The following TFF1 variants were observed in gnomAD, a reference collection of about 807,000 sequenced individuals.
TFF1 encodes trefoil factor 1.
TFF1 carries 8 observed loss-of-function variants against 7.7 expected under a neutral mutation model. The ratio of observed to expected loss-of-function variants is 1.04; its 90% CI spans 0.61 to 1.87. TFF1 has a LOEUF of 1.87. TFF1 is among the 40% of genes most tolerant of loss of function. The pLI is 0.00. For missense variants in TFF1, 120 were observed against 113.4 expected, an observed-to-expected ratio of 1.06 and a Z score of -0.26; for synonymous variants, 47 against 44.8, an observed-to-expected ratio of 1.05 and a Z score of -0.19.
Position 42,366,412 on chromosome 21 carries a change from T to A in TFF1, c.84A>T (p.Thr28=). 6.2e-7 allele frequency: 1 copy of A among 1,609,060 alleles called. No homozygotes were observed. The highest frequency in any genetic ancestry group is 8.5e-7 in the Non-Finnish European group (1 of 1,176,390). Residue 28 remains threonine (T), a splice_region_variant and synonymous_variant, in exon 1 of 3, where the codon ACA becomes ACT. Transcript: ENST00000291527. ...LALGTLAEAQ[T]ETCTVAPRER... ...AGAGCAGGAAGAAGCACGCCTTACC[T>A]GTCTGGGCCTCGGCCAGGGTGCCGA...
Position 42,363,352 on chromosome 21 carries a change from C to T in TFF1, c.141G>A (p.Thr47=), listed in dbSNP as rs368550661. Residue 47 remains threonine, a synonymous_variant, in exon 2 of 3, where the codon ACG becomes ACA. Coordinates refer to ENST00000291527, the MANE Select transcript of TFF1 (RefSeq NM_003225.3). ...ERQNCGFPGV[T]PSQCANKGCC... ...AGCCCTTATTTGCACACTGGGAGGG[C>T]GTGACACCAGGAAAACCACAATTCT... The T allele has an allele frequency of 5.5e-5, 88 of 1,614,034 alleles. No individual in the cohort carries two copies. The highest frequency in any genetic ancestry group is 2.1e-4 in the South Asian group (19 of 91,078).
intron 2 of TFF1, among the ~76,000 whole-genome samples, 198 bp downstream of exon 2, chr21:42,363,057 T>A (rs1260609629): frequency 1.3e-5 from 2 of 152,070 alleles, no homozygotes; most frequent in Non-Finnish European, 1.5e-5. Flanking sequence ...TCAGGTTTCT[T>A]CCCAAGTCCC....
intron 1 of TFF1, among the ~76,000 whole-genome samples, chr21:42,364,472 G>A (rs2052263376): frequency 1.3e-5 from 2 of 152,342 alleles, no homozygotes; most frequent in South Asian, 4.1e-4. Flanking sequence ...AGAGGAGGAA[G>A]ACACGTGGAC....
chr21:42,365,574 C>T (rs1414392009), intron 1 of TFF1, among the ~76,000 whole-genome samples: 1 of 152,128 alleles, frequency 6.6e-6, no homozygotes, highest in South Asian at 2.1e-4. Flanking sequence ...GAAACCCTTG[C>T]TTTGGAAACG....
chr21:42,364,776 C>CCT (rs1428160032), intron 1 of TFF1, among the ~76,000 whole-genome samples: 1 of 152,226 alleles, frequency 6.6e-6, no homozygotes, highest in African/African-American at 2.4e-5. Context: ...TCAGGGACTG[C>CCT]CTCGAGATGT....
At position 42,362,480 on chromosome 21, in the gene TFF1, T is replaced by C; in HGVS notation, c.254A>G (p.Ter85TrpextTer20). The C allele has an allele frequency of 6.3e-7, 1 of 1,585,892 alleles. No individual in the cohort carries two copies. The highest frequency in any genetic ancestry group is 8.6e-7 in the Non-Finnish European group (1 of 1,166,284). The change falls in exon 3 of 3, where the codon TAG (stop) becomes TGG (tryptophan). Residue 85 changes from the stop codon to tryptophan, a stop_lost. Coordinates refer to ENST00000291527, the MANE Select transcript of TFF1 (RefSeq NM_003225.3). The stretch of plus-strand genomic sequence containing the variant: ...GCAGGCAGATCCCTGCAGAAGTGTC[T>C]AAAATTCACACTCCTCTACAGGGGT... The part of the protein sequence containing the change: ...DVPPEEECEF[*>W]
In TFF1 at chr21:42,363,310, G is replaced by A. The variant is rs758632010; in HGVS notation, c.183C>T (p.Thr61=). The change falls in exon 2 of 3, where the codon ACC becomes ACT. Residue 61 remains threonine, a synonymous_variant. Transcript: ENST00000291527. ...AGAAGCACCAGGGGACCCCACGAAC[G>A]GTGTCGTCGAAACAGCAGCCCTTAT... ...CANKGCCFDD[T]VRGVPWCFYP... 2.2e-5 allele frequency: 36 copies of A among 1,614,074 alleles called. No individual in the cohort carries two copies. The highest frequency in any genetic ancestry group is 3.0e-5 in the Non-Finnish European group (35 of 1,180,056).
intron 1 of TFF1, among the ~76,000 whole-genome samples, chr21:42,364,780 G>C (rs533704401): frequency 4.6e-5 from 7 of 152,208 alleles, no homozygotes; most frequent in Non-Finnish European, 7.4e-5. Context: ...GGACTGCCTC[G>C]AGATGTCTTT....
chr21:42,362,293 C>T lies in TFF1; in HGVS notation c.*186G>A. The T allele has an allele frequency of 1.6e-6, 1 of 622,814 alleles. No homozygotes were observed. Among genetic ancestry groups the T allele is most frequent in the Non-Finnish European group, 2.8e-6 (1 of 360,852 alleles). 38.6% of individuals were successfully genotyped at this position (622,814 alleles called of 1,614,324 possible). A position where few individuals can be genotyped will look rare whatever the true frequency, so the allele number is the denominator to read the frequency against. On this transcript the variant is annotated 3_prime_UTR_variant, in exon 3 of 3. Transcript: ENST00000291527. ...ATGAACAGCACAGATTAATATCGAT[C>T]TCTTTTAATTTTTAGGCCAATTTTG...
At chr21:42,363,174 C>T (rs1049843346) in intron 2 of TFF1, 81 bp downstream of exon 2, 3 of 1,580,320 alleles carry the variant, frequency 1.9e-6, no homozygotes, top group Non-Finnish European at 2.6e-6. Context: ...GCTGGTGATG[C>T]TGATCAGAGC....
Position 42,366,469 on chromosome 21 carries a change from G to C in TFF1, c.27C>G (p.Ile9Met). 6.2e-7 allele frequency: 1 copy of C among 1,613,010 alleles called. No individual in the cohort carries two copies. ...GCATGGACACCAGGACCAGGGCGCA[G>C]ATCACCTTGTTCTCCATGGTGGCCA... The part of the protein sequence containing the change: MATMENKV[I>M]CALVLVSMLA... The change falls in exon 1 of 3, where the codon ATC (isoleucine) becomes ATG (methionine). Residue 9 changes from isoleucine to methionine, a missense_variant. Transcript: ENST00000291527.
intron 2 of TFF1, 42 bp from the exon 3 acceptor site, chr21:42,362,537 G>T: frequency 6.5e-7 from 1 of 1,537,878 alleles, no homozygotes; most frequent in Non-Finnish European, 8.7e-7. Context: ...GCTTTAGTGA[G>T]GATAAACATT....
At position 42,363,114 on chromosome 21, in the gene TFF1, G is replaced by T. The variant is rs115884486; in HGVS notation, c.238+141C>A. 2.9e-4 allele frequency: 308 copies of T among 1,066,500 alleles called. 1 individual carries two copies. The African/African-American group carries it at 4.4e-3, about 15-fold the overall frequency. The allele number at this position is 1,066,500 out of a possible 1,614,324, so 66.1% of individuals were successfully genotyped here. On this transcript the variant is annotated intron_variant, in intron 2 of 2. Transcript: ENST00000291527. ...TGGACCTGAATGCAGCCTGACTCAG[G>T]CTACCCCATTGCACCACCACTGGCG...
chr21:42,363,520 G>A, intron 1 of TFF1, 113 bp from the exon 2 acceptor site: 1 of 1,341,056 alleles, frequency 7.5e-7, no homozygotes, highest in Non-Finnish European at 1.0e-6. Context: ...TGTCCAGTGA[G>A]GCGGATATAA....
chr21:42,363,555 C>T (rs530047847), intron 1 of TFF1, 148 bp from the exon 2 acceptor site: 15 of 1,048,686 alleles, frequency 1.4e-5, no homozygotes, highest in Admixed American at 9.3e-5. Flanking sequence ...GAGAGGGAGA[C>T]GTGGTCCTCA....
chr21:42,365,115 A>G (rs561833873), intron 1 of TFF1, among the ~76,000 whole-genome samples: 2 of 152,292 alleles, frequency 1.3e-5, no homozygotes, highest in East Asian at 3.9e-4. Flanking sequence ...CGAATGCACT[A>G]AACTGTAATC....
intron 1 of TFF1, among the ~76,000 whole-genome samples, chr21:42,363,923 T>C (rs1384998198): frequency 2.6e-5 from 4 of 152,046 alleles, no homozygotes; most frequent in African/African-American, 9.7e-5. Flanking sequence ...CTGACCAAAA[T>C]GGTGAAGCCC....
intron 1 of TFF1, 109 bp downstream of exon 1, chr21:42,366,302 C>T: frequency 2.6e-6 from 2 of 776,558 alleles, no homozygotes; most frequent in Non-Finnish European, 4.1e-6. Context: ...CCTAGAACAG[C>T]ACCTGGCACA....
intron 1 of TFF1, among the ~76,000 whole-genome samples, chr21:42,364,660 C>T (rs1042049522): frequency 1.3e-5 from 2 of 152,226 alleles, no homozygotes; most frequent in Admixed American, 6.5e-5. Flanking sequence ...GGTCCCTGTC[C>T]CTGCCTTGGG....
Sources: gnomAD v4.1 joint callset for allele counts (sites outside exome capture counted in the v4.1 genomes callset) on GRCh38, gnomAD v4.1.1 for gene constraint, MANE v1.5 for transcripts, NCBI Gene and HGNC (gene_info 2026-07-23, HGNC 2026-07-21) for gene names.